PRKN: variants seen among roughly 807,000 people sequenced by gnomAD.
PRKN encodes E3 ubiquitin-protein ligase parkin.
Under a neutral mutation model 59.5 loss-of-function variants are expected in PRKN, and 56 were observed. The observed-to-expected ratio is 0.94, with a 90% CI of 0.76 to 1.18. The LOEUF (loss-of-function observed/expected upper bound fraction) is 1.18, where lower values mean the gene tolerates loss of function less well. Among genes scored for constraint, PRKN ranks in the 50% most tolerant of loss-of-function variants. The pLI is 0.00. For synonymous variants in PRKN, 250 were observed against 222.1 expected (o/e 1.13, Z -1.12); for missense variants, 657 against 596.4 (o/e 1.10, Z -1.06).
chr6:162,199,925 C>T (rs537267103), intron 4 of PRKN, among the ~76,000 whole-genome samples: 6 of 152,206 alleles, frequency 3.9e-5, no homozygotes, highest in African/African-American at 9.6e-5. Flanking sequence ...TCCTCATCTG[C>T]GAACCAGATG....
rs1339262846 is a variant in PRKN at position 161,378,131 on chromosome 6, C to T, written c.1167+8663G>A. 6.6e-6 allele frequency among the ~76,000 whole-genome samples: 1 copy of T among 152,178 alleles called. No individual in the cohort carries two copies. The highest frequency in any genetic ancestry group is 1.5e-5 in the Non-Finnish European group (1 of 68,036). On this transcript the variant is annotated intron_variant, in intron 10 of 11. Transcript: ENST00000366898. This position sits in a 1 kb window ranked among gnomAD's most constrained non-coding sequence, Gnocchi z 7.3. ...GACTGAGGACAGGTAAGACAAGGAG[C>T]TCTGCAGAGCAGGCACGTGGACAGA...
chr6:161,483,425 A>G lies in PRKN; in HGVS notation c.1083+65429T>C, dbSNP rs893951839. On this transcript the variant is annotated intron_variant, in intron 9 of 11. Transcript: ENST00000366898. This position sits in a 1 kb window ranked among gnomAD's most constrained non-coding sequence, Gnocchi z 5.0. ...GGCTTGTCATGCGTAAGTGCTAATT[A>G]GCCCCAGGATGCTTGCCTTCATGAA... is the stretch of plus-strand genomic sequence containing the variant. Among the ~76,000 whole-genome samples, 6 of 152,210 alleles carry G rather than the reference A, an allele frequency of 3.9e-5. No individual in the cohort carries two copies. Among genetic ancestry groups the G allele is most frequent in the African/African-American group, 7.2e-5 (3 of 41,460 alleles).
intron 2 of PRKN, among the ~76,000 whole-genome samples, chr6:162,274,304 A>C (rs1780520295): frequency 6.6e-6 from 1 of 151,952 alleles, no homozygotes. Context: ...TCCTAACCTC[A>C]GCCTCCCCAG....
At chr6:161,431,261 T>G (rs1788635172) in intron 9 of PRKN, among the ~76,000 whole-genome samples, 1 of 151,970 alleles carries the variant, frequency 6.6e-6, no homozygotes, top group Non-Finnish European at 1.5e-5. Context: ...TGGAAAGAAA[T>G]AAACCTTGAG....
At chr6:161,431,342 GA>G (rs1362192854) in intron 9 of PRKN, among the ~76,000 whole-genome samples, 1 of 151,472 alleles carries the variant, frequency 6.6e-6, no homozygotes, top group Non-Finnish European at 1.5e-5. Flanking sequence ...TAGGAACTAC[GA>G]AATTTTTAAA....
At chr6:161,453,407 T>C (rs1789830292) in intron 9 of PRKN, among the ~76,000 whole-genome samples, 1 of 152,206 alleles carries the variant, frequency 6.6e-6, no homozygotes, top group Non-Finnish European at 1.5e-5. Flanking sequence ...TTGGCTTGTC[T>C]CTAGTACCTG....
chr6:161,441,460 C>T (rs934554853), intron 9 of PRKN, among the ~76,000 whole-genome samples: 13 of 151,802 alleles, frequency 8.6e-5, no homozygotes, highest in African/African-American at 1.7e-4. Flanking sequence ...GCCTGGCCAA[C>T]GTGGTGAAAC....
intron 4 of PRKN, among the ~76,000 whole-genome samples, chr6:162,198,021 G>A (rs1784563995): frequency 6.6e-6 from 1 of 152,172 alleles, no homozygotes; most frequent in Non-Finnish European, 1.5e-5. Context: ...TGAAGGGCAG[G>A]AAGTGAATGA....
intron 2 of PRKN, among the ~76,000 whole-genome samples, chr6:162,376,171 G>A (rs1210042466): frequency 1.3e-5 from 2 of 152,070 alleles, no homozygotes; most frequent in Non-Finnish European, 2.9e-5. Flanking sequence ...ACCCACTGGA[G>A]GAGGCAGTGA....
intron 2 of PRKN, among the ~76,000 whole-genome samples, chr6:162,367,155 A>G (rs1460037602): frequency 6.6e-6 from 1 of 151,970 alleles, no homozygotes; most frequent in Non-Finnish European, 1.5e-5. Flanking sequence ...TTTATCAGGG[A>G]CTTTTTCCCC....
intron 6 of PRKN, among the ~76,000 whole-genome samples, chr6:161,823,189 G>A (rs1375918438): frequency 6.7e-6 from 1 of 149,498 alleles, no homozygotes; most frequent in Non-Finnish European, 1.5e-5. Flanking sequence ...CCTCTGCCTT[G>A]TTCCCCCAAA....
chr6:162,373,681 C>T (rs1785891922), intron 2 of PRKN, among the ~76,000 whole-genome samples: 1 of 152,072 alleles, frequency 6.6e-6, no homozygotes, highest in Admixed American at 6.5e-5. Flanking sequence ...ACCCTTCTTA[C>T]ATATCTTTTG....
At chr6:161,524,954 CAA>C (rs1778965692) in intron 9 of PRKN, among the ~76,000 whole-genome samples, 1 of 152,124 alleles carries the variant, frequency 6.6e-6, no homozygotes, top group African/African-American at 2.4e-5. Context: ...TCACAGGAAA[CAA>C]TGTGAAATTC....
At chr6:161,565,772 T>C (rs1230220921) in intron 8 of PRKN, among the ~76,000 whole-genome samples, 1 of 152,124 alleles carries the variant, frequency 6.6e-6, no homozygotes, top group African/African-American at 2.4e-5. Context: ...TCTAAAACTC[T>C]TCCCCGATCT....
At chr6:161,366,982 CTTT>C (rs57164972) in intron 10 of PRKN, among the ~76,000 whole-genome samples, 4,696 of 91,952 alleles carry the variant, frequency 0.051, 551 homozygotes, top group African/African-American at 0.19. Flanking sequence ...TTTTTGTTTC[CTTT>C]TTTTTTTTTT....
intron 1 of PRKN, among the ~76,000 whole-genome samples, chr6:162,600,706 C>T (rs2846541): frequency 0.94 from 143,594 of 152,174 alleles, 67,872 homozygotes; most frequent in Middle Eastern, 0.97. Context: ...GTTCTCATGA[C>T]AGTGAGTGAG....
chr6:162,340,218 T>C (rs886427835), intron 2 of PRKN, among the ~76,000 whole-genome samples: 4 of 152,158 alleles, frequency 2.6e-5, no homozygotes, highest in African/African-American at 9.7e-5. Context: ...AGAAAAGCTC[T>C]CTAATTCTAT....
rs142160101 is a variant in PRKN at position 161,395,370 on chromosome 6, A to C, written c.1084-8493T>G. ...TAGATGTGCCTTCGTTCATTTCACC[A>C]GCCCCTCCGATCAGCATTTAGGTCC... is the stretch of plus-strand genomic sequence containing the variant. On this transcript the variant is annotated intron_variant, in intron 9 of 11. Coordinates refer to ENST00000366898, the MANE Select transcript of PRKN (RefSeq NM_004562.3). This position sits in a 1 kb window ranked among gnomAD's most constrained non-coding sequence, Gnocchi z 5.0. Among the ~76,000 whole-genome samples, 29 of 152,280 alleles carry C rather than the reference A, an allele frequency of 1.9e-4. No homozygotes were observed. The East Asian group carries it at 5.2e-3, about 27-fold the overall frequency.
intron 9 of PRKN, among the ~76,000 whole-genome samples, chr6:161,443,023 C>T (rs1012223825): frequency 6.6e-6 from 1 of 151,868 alleles, no homozygotes; most frequent in African/African-American, 2.4e-5. Context: ...AATCAGGGAG[C>T]GAGGCCGGGC....
Sources: allele counts gnomAD v4.1 joint callset (sites outside exome capture counted in the v4.1 genomes callset), GRCh38; gene constraint gnomAD v4.1.1; non-coding constraint Gnocchi (gnomAD v3.1); transcripts MANE v1.5; gene names NCBI Gene and HGNC (gene_info 2026-07-23, HGNC 2026-07-21).